UMAD1: variants seen among roughly 807,000 people sequenced by gnomAD.
UMAD1 encodes UBAP1-MVB12-associated (UMA)-domain containing protein 1.
A neutral mutation model predicts 6.1 loss-of-function variants in UMAD1; 8 were observed. The observed-to-expected ratio is 1.30, with a 90% CI of 0.76 to 2.35. The LOEUF is 2.35. UMAD1 is among the 30% of genes most tolerant of loss of function. The pLI is 0.00. For missense variants in UMAD1, 130 were observed against 78.4 expected, an observed-to-expected ratio of 1.66 and a Z score of -2.49; for synonymous variants, 56 against 31.4, an observed-to-expected ratio of 1.78 and a Z score of -2.61.
intron 2 of UMAD1, among the ~76,000 whole-genome samples, chr7:7,762,801 G>A (rs1283526747): frequency 3.3e-5 from 5 of 152,014 alleles, no homozygotes. Context: ...CACTTTCCTG[G>A]GCTGGATTAG....
intron 3 of UMAD1, among the ~76,000 whole-genome samples, chr7:7,840,379 G>A (rs1583864338): frequency 6.6e-6 from 1 of 152,044 alleles, no homozygotes; most frequent in Non-Finnish European, 1.5e-5. Flanking sequence ...TTGATGCCCC[G>A]GCCCCACCCC....
chr7:7,808,667 A>T (rs1055673162), intron 3 of UMAD1, among the ~76,000 whole-genome samples: 2 of 151,926 alleles, frequency 1.3e-5, no homozygotes, highest in Non-Finnish European at 2.9e-5. Flanking sequence ...GTTTTTTAAA[A>T]ATTTGAACTT....
intron 2 of UMAD1, among the ~76,000 whole-genome samples, chr7:7,684,664 T>C (rs1337980790): frequency 1.3e-5 from 2 of 152,246 alleles, no homozygotes; most frequent in Non-Finnish European, 2.9e-5. Flanking sequence ...ATTAAATTAA[T>C]TATACAATGT....
At chr7:7,821,734 G>A (rs373458689) in intron 3 of UMAD1, among the ~76,000 whole-genome samples, 5 of 152,096 alleles carry the variant, frequency 3.3e-5, no homozygotes, top group African/African-American at 1.2e-4. Flanking sequence ...ACTGCTTTGC[G>A]GTTGTGCAGC....
Position 7,801,719 on chromosome 7 carries a change from C to A in UMAD1, c.132C>A (p.Asp44Glu), listed in dbSNP as rs1425395257. 1 of 718,058 alleles carries A rather than the reference C, an allele frequency of 1.4e-6. No homozygotes were observed. The highest frequency in any genetic ancestry group is 2.6e-6 in the Non-Finnish European group (1 of 385,200). 44.5% of individuals were successfully genotyped at this position (718,058 alleles called of 1,614,324 possible). A position where few individuals can be genotyped will look rare whatever the true frequency, so the allele number is the denominator to read the frequency against. ...QRMTARGKTSDIEANQPLETN... is the reference protein window; with the variant it reads ...QRMTARGKTSEIEANQPLETN... ...TGACAGCAAGAGGCAAAACTTCGGA[C>A]ATAGAGGCCAACCAACCTTTGGAGG... The change falls in exon 3 of 4, where the codon GAC (aspartate) becomes GAA (glutamate). Residue 44 changes from aspartate (D) to glutamate (E), a missense_variant. By Grantham distance (45) the Asp-to-Glu change is conservative. Transcript: ENST00000682710.
chr7:7,764,556 A>G (rs1781950708), intron 2 of UMAD1, among the ~76,000 whole-genome samples: 1 of 152,202 alleles, frequency 6.6e-6, no homozygotes, highest in Admixed American at 6.5e-5. Context: ...AATTATGCAG[A>G]TAGTGAAATA....
chr7:7,796,178 A>T (rs1260023672), intron 2 of UMAD1, among the ~76,000 whole-genome samples: 1 of 151,862 alleles, frequency 6.6e-6, no homozygotes, highest in Non-Finnish European at 1.5e-5. Flanking sequence ...AGGAATTCTG[A>T]ACAGAAATAT....
chr7:7,645,461 T>C (rs1203718961), intron 1 of UMAD1, among the ~76,000 whole-genome samples: 1 of 152,232 alleles, frequency 6.6e-6, no homozygotes, highest in Non-Finnish European at 1.5e-5. Flanking sequence ...TATTTATGGT[T>C]ATCTCATAGG....
At chr7:7,792,068 A>G (rs1412565585) in intron 2 of UMAD1, among the ~76,000 whole-genome samples, 1 of 152,226 alleles carries the variant, frequency 6.6e-6, no homozygotes, top group African/African-American at 2.4e-5. Context: ...CTACAGTCAA[A>G]TCAACAGATG....
Position 7,763,612 on chromosome 7 carries a change from T to C in UMAD1, c.83-38058T>C, listed in dbSNP as rs543418228. The stretch of plus-strand genomic sequence containing the variant: ...GAAATTTAGGCCGGGCGTGGTGGCT[T>C]ACGCCTGTAATCCCAGCACTTTGGG... On this transcript the variant is annotated intron_variant, in intron 2 of 3. Coordinates refer to ENST00000682710, the MANE Select transcript of UMAD1 (RefSeq NM_001302348.2). 5.6e-4 allele frequency among the ~76,000 whole-genome samples: 85 copies of C among 152,338 alleles called. 1 individual carries two copies. The highest frequency in any genetic ancestry group is 1.9e-3 in the African/African-American group (80 of 41,582).
chr7:7,702,231 T>C (rs553439901), intron 2 of UMAD1, among the ~76,000 whole-genome samples: 1 of 152,320 alleles, frequency 6.6e-6, no homozygotes, highest in African/African-American at 2.4e-5. Flanking sequence ...ATTTCACATT[T>C]TAAAACTAAA....
intron 2 of UMAD1, among the ~76,000 whole-genome samples, chr7:7,677,686 T>G (rs1779780794): frequency 7.0e-6 from 1 of 142,726 alleles, no homozygotes; most frequent in Non-Finnish European, 1.5e-5. Context: ...TTTTTTTTTT[T>G]TTTTTGAGAC....
At chr7:7,713,717 G>A (rs906778217) in intron 2 of UMAD1, among the ~76,000 whole-genome samples, 47 of 152,002 alleles carry the variant, frequency 3.1e-4, no homozygotes, top group African/African-American at 1.1e-3. Flanking sequence ...ATTCTAATAT[G>A]TTCATTAATA....
intron 2 of UMAD1, among the ~76,000 whole-genome samples, chr7:7,730,379 C>T (rs1056561195): frequency 2.6e-5 from 4 of 152,178 alleles, no homozygotes; most frequent in African/African-American, 9.7e-5. Flanking sequence ...TGGAGAACCA[C>T]GTGCTAATGT....
chr7:7,782,131 C>G (rs971642154), intron 2 of UMAD1, among the ~76,000 whole-genome samples: 1 of 151,916 alleles, frequency 6.6e-6, no homozygotes, highest in Non-Finnish European at 1.5e-5. Context: ...TTAAAAACTT[C>G]TCTTTTTATT....
intron 1 of UMAD1, among the ~76,000 whole-genome samples, chr7:7,662,152 C>G (rs1055701596): frequency 6.6e-6 from 1 of 152,092 alleles, no homozygotes; most frequent in Non-Finnish European, 1.5e-5. Context: ...TGGCAGATGC[C>G]CTTCCCCCCA....
rs35368211 is a variant in UMAD1, at chr7:7,748,103, A to ATT, written c.83-53554_83-53553dup. Among the ~76,000 whole-genome samples the ATT allele has an allele frequency of 2.1e-3, 289 of 140,172 alleles. 5 individuals carry two copies. The highest frequency in any genetic ancestry group is 3.8e-3 in the African/African-American group (136 of 35,922). The allele number at this position is 140,172 out of a possible 152,430, so 92.0% of individuals were successfully genotyped here. A position where few individuals can be genotyped will look rare whatever the true frequency, so the allele number is the denominator to read the frequency against. On this transcript the variant is annotated intron_variant, in intron 2 of 3. Coordinates refer to ENST00000682710, the MANE Select transcript of UMAD1 (RefSeq NM_001302348.2). ...AGGGGCCTGCCACCACGCCCAGCTAATTTTTTTTTTTTTTGTATTTTCAGT... is the reference window on the plus strand; with the variant it reads ...AGGGGCCTGCCACCACGCCCAGCTAATTTTTTTTTTTTTTTTGTATTTTCAGT...
At chr7:7,831,707 G>A (rs1440475439) in intron 3 of UMAD1, among the ~76,000 whole-genome samples, 3 of 152,182 alleles carry the variant, frequency 2.0e-5, no homozygotes. Flanking sequence ...TGACACCGTT[G>A]GGATAATTGC....
At chr7:7,717,384 C>A (rs982826649) in intron 2 of UMAD1, among the ~76,000 whole-genome samples, 21 of 152,134 alleles carry the variant, frequency 1.4e-4, no homozygotes, top group Non-Finnish European at 2.1e-4. Flanking sequence ...ATTAAAACTC[C>A]ACTCTTAAAC....
Sources: gnomAD v4.1 joint callset for allele counts (sites outside exome capture counted in the v4.1 genomes callset) on GRCh38, gnomAD v4.1.1 for gene constraint, MANE v1.5 for transcripts, NCBI Gene and HGNC (gene_info 2026-07-23, HGNC 2026-07-21) for gene names.